SPRY3: variants seen among roughly 807,000 people sequenced by gnomAD.
SPRY3 encodes the protein protein sprouty homolog 3.
SPRY3 carries 15 observed loss-of-function variants against 20.2 expected under a neutral mutation model. That is an observed-to-expected ratio of 0.74 (90% CI 0.50 to 1.14). SPRY3 has a LOEUF of 1.14. SPRY3 is among the 50% of genes most tolerant of loss of function. The pLI, the probability that SPRY3 is intolerant of heterozygous loss-of-function variation, is 0.00. For missense variants in SPRY3, 364 were observed against 363.9 expected (o/e 1.00, Z 0.00); for synonymous variants, 143 against 136.5 (o/e 1.05, Z -0.33).
At chrX:155,737,002 G>A (rs1003181246) in intron 2 of SPRY3, among the ~76,000 whole-genome samples, 1 of 152,012 alleles carries the variant, frequency 6.6e-6, no homozygotes, top group African/African-American at 2.4e-5. Flanking sequence ...CATTATGTAT[G>A]TAATAGTGTT....
intron 2 of SPRY3, among the ~76,000 whole-genome samples, chrX:155,694,557 T>A (rs1341850494): frequency 9.0e-6 from 1 of 111,442 alleles, no homozygotes; most frequent in Non-Finnish European, 1.9e-5. Context: ...TCAAGTGCAT[T>A]ACATTTATTG....
At chrX:155,654,436 C>T (rs1048806265) in intron 1 of SPRY3, among the ~76,000 whole-genome samples, 2 of 110,769 alleles carry the variant, frequency 1.8e-5, no homozygotes, top group African/African-American at 6.6e-5. Context: ...AATAGTGGCT[C>T]TTATATCCTT....
intron 2 of SPRY3, among the ~76,000 whole-genome samples, chrX:155,678,937 G>A (rs1162332538): frequency 9.0e-6 from 1 of 111,611 alleles, no homozygotes. Context: ...TCTGTACCAG[G>A]CACCTTCATG....
chrX:155,665,971 T>C (rs1160178668), intron 2 of SPRY3, among the ~76,000 whole-genome samples: 2 of 111,882 alleles, frequency 1.8e-5, no homozygotes, highest in Non-Finnish European at 3.8e-5. Context: ...GATGTGCAAA[T>C]TGATTATATG....
At chrX:155,698,781 G>A (rs2068126967) in intron 2 of SPRY3, among the ~76,000 whole-genome samples, 1 of 111,841 alleles carries the variant, frequency 8.9e-6, no homozygotes, top group Admixed American at 9.5e-5. Flanking sequence ...TTCCCCATTT[G>A]CACTAGAGAC....
intron 2 of SPRY3, among the ~76,000 whole-genome samples, chrX:155,706,004 A>T (rs919423154): frequency 2.1e-4 from 32 of 151,334 alleles, no homozygotes; most frequent in Non-Finnish European, 4.3e-4. Context: ...TCTGAACAGC[A>T]CTAACAAGAA....
At chrX:155,735,060 T>C (rs985772212) in intron 2 of SPRY3, among the ~76,000 whole-genome samples, 8 of 151,876 alleles carry the variant, frequency 5.3e-5, no homozygotes, top group Non-Finnish European at 7.4e-5. Context: ...TTTATTTTCA[T>C]TTAATTAAAA....
exon 4 of SPRY3, chrX:155,774,197 G>A (rs1455652263): frequency 6.2e-6 from 10 of 1,613,944 alleles, no homozygotes; most frequent in Non-Finnish European, 8.5e-6. Context: ...TCACCTTCAG[G>A]CCAATCCATC....
At chrX:155,688,740 G>T (rs1204666178) in intron 2 of SPRY3, among the ~76,000 whole-genome samples, 1 of 104,411 alleles carries the variant, frequency 9.6e-6, no homozygotes, top group African/African-American at 3.6e-5. Context: ...GTGCAGGTTT[G>T]TTACATAGGT....
rs1329999500 is a variant in SPRY3, at chrX:155,689,318, C to T, written c.-282+32293C>T. ...AAGGAAGGGGTCCAGTTTCGATCTT[C>T]TGCATATAGCTAGCCAGTTATCCCA... On this transcript the variant is annotated intron_variant, in intron 2 of 3. Transcript: ENST00000675360. Among the ~76,000 whole-genome samples the T allele has an allele frequency of 5.7e-5, 5 of 87,402 alleles. 1 individual carries two copies. Among genetic ancestry groups the T allele is most frequent in the Admixed American group, 2.5e-4 (2 of 8,109 alleles). The allele number at this position is 87,402 out of a possible 115,157, so 75.9% of individuals were successfully genotyped here.
At chrX:155,763,300 A>C (rs1260445384) in intron 2 of SPRY3, among the ~76,000 whole-genome samples, 1 of 151,928 alleles carries the variant, frequency 6.6e-6, no homozygotes, top group East Asian at 1.9e-4. Context: ...CCCCCTTCCA[A>C]CTTCTCAGTA....
At chrX:155,767,707 G>C (rs1036014033) in intron 2 of SPRY3, 1 of 116,050 alleles carries the variant, frequency 8.6e-6, no homozygotes, top group Non-Finnish European at 1.7e-5. Context: ...GGAGAAAGAA[G>C]AGGAGGAGGA....
chrX:155,669,851 A>G (rs1557354605), intron 2 of SPRY3: 1 of 110,991 alleles, frequency 9.0e-6, no homozygotes, highest in African/African-American at 3.3e-5. Context: ...GGCATTTTAA[A>G]TGGCACTGAT....
intron 2 of SPRY3, among the ~76,000 whole-genome samples, chrX:155,710,818 A>T (rs2090981237): frequency 6.6e-6 from 1 of 151,724 alleles, no homozygotes; most frequent in Non-Finnish European, 1.5e-5. Context: ...GGCTTTTATT[A>T]TGTTGAAGTA....
chrX:155,624,320 C>A (rs1603111997), intron 1 of SPRY3, among the ~76,000 whole-genome samples: 1 of 111,746 alleles, frequency 8.9e-6, no homozygotes, highest in East Asian at 2.8e-4. Context: ...ACCAGGTAAC[C>A]TGAGCATATC....
intron 2 of SPRY3, among the ~76,000 whole-genome samples, chrX:155,706,022 A>C (rs1190599933): frequency 6.6e-6 from 1 of 151,380 alleles, no homozygotes; most frequent in African/African-American, 2.4e-5. Flanking sequence ...GAACTAATTG[A>C]CATTTATAAA....
intron 2 of SPRY3, among the ~76,000 whole-genome samples, chrX:155,673,222 A>T (rs1401530171): frequency 9.1e-6 from 1 of 109,434 alleles, no homozygotes; most frequent in African/African-American, 3.3e-5. Flanking sequence ...AATAATAAAA[A>T]AAATTAAAAA....
chrX:155,671,759 C>A (rs1557354775), intron 2 of SPRY3, among the ~76,000 whole-genome samples: 2 of 111,054 alleles, frequency 1.8e-5, no homozygotes, highest in African/African-American at 6.5e-5. Flanking sequence ...AGGTTTTCTT[C>A]TAGGGTTTTT....
At chrX:155,767,909 G>GTT (rs1280970476) in intron 2 of SPRY3, 53 bp from the exon 2 acceptor site, 1 of 147,508 alleles carries the variant, frequency 6.8e-6, no homozygotes, top group Non-Finnish European at 1.5e-5. Flanking sequence ...CCGTTTTTTT[G>GTT]TTTTGTTTTG....
Sources: gnomAD v4.1 joint callset for allele counts (sites outside exome capture counted in the v4.1 genomes callset) on GRCh38, gnomAD v4.1.1 for gene constraint, MANE v1.5 for transcripts, NCBI Gene and HGNC (gene_info 2026-07-23, HGNC 2026-07-21) for gene names.